The following ARHGAP10 variants were observed in gnomAD, a reference collection of about 807,000 sequenced individuals.
The protein encoded by ARHGAP10 is rho GTPase-activating protein 10.
Under a neutral mutation model 108.6 loss-of-function variants are expected in ARHGAP10, and 87 were observed. That is an observed-to-expected ratio of 0.80 (90% CI 0.67 to 0.96). ARHGAP10 has a LOEUF of 0.96. ARHGAP10 is among the 40% of genes least tolerant of loss of function. The pLI, the probability that ARHGAP10 is intolerant of heterozygous loss-of-function variation, is 0.00. For missense variants in ARHGAP10, 939 were observed against 954.5 expected, an observed-to-expected ratio of 0.98 and a Z score of 0.21; for synonymous variants, 347 against 341.1, an observed-to-expected ratio of 1.02 and a Z score of -0.19.
At position 148,072,540 on chromosome 4, in the gene ARHGAP10, TGGAGAAGCTGCTGTTGGTGCAAG is replaced by T. The variant is rs1730228046; in HGVS notation, c.*465_*487del. On this transcript the variant is annotated 3_prime_UTR_variant, in exon 23 of 23. Coordinates refer to ENST00000336498, the MANE Select transcript of ARHGAP10 (RefSeq NM_024605.4). ...TGTGCTTGGCTGTGGCAGCCTAGCT[TGGAGAAGCTGCTGTTGGTGCAAG>T]GGAGATGGTCTCAAGTCAGAGGGAA... The T allele has an allele frequency of 6.5e-6, 1 of 154,306 alleles. No homozygotes were observed. Among genetic ancestry groups the T allele is most frequent in the African/African-American group, 2.4e-5 (1 of 41,522 alleles). 9.6% of individuals were successfully genotyped at this position (154,306 alleles called of 1,614,324 possible). A position where few individuals can be genotyped will look rare whatever the true frequency, so the allele number is the denominator to read the frequency against.
chr4:148,030,186 T>G (rs1728083383), intron 19 of ARHGAP10, among the ~76,000 whole-genome samples: 2 of 152,194 alleles, frequency 1.3e-5, no homozygotes, highest in Admixed American at 6.5e-5. Flanking sequence ...AATAAGTTCA[T>G]GGCAGGTAAC....
chr4:147,921,647 T>G (rs1479548253), intron 13 of ARHGAP10, among the ~76,000 whole-genome samples: 1 of 152,186 alleles, frequency 6.6e-6, no homozygotes, highest in African/African-American at 2.4e-5. Flanking sequence ...TAGTCATGTT[T>G]CATTGTGTCA....
chr4:148,072,042 G>C lies in ARHGAP10; in HGVS notation c.2322G>C (p.Lys774Asn), dbSNP rs1336332643. Residue 774 changes from lysine to asparagine, a missense_variant, in exon 23 of 23, where the codon AAG becomes AAC. Transcript: ENST00000336498. ...GGCTAGAAGGGACTCTGAACGGCAA[G>C]AGGGGGCTGATTCCACAGAACTACG... ...PGWLEGTLNG[K>N]RGLIPQNYVK... 2.5e-6 allele frequency: 4 copies of C among 1,613,720 alleles called. No individual in the cohort carries two copies. The highest frequency in any genetic ancestry group is 3.4e-6 in the Non-Finnish European group (4 of 1,179,850).
intron 19 of ARHGAP10, among the ~76,000 whole-genome samples, chr4:148,036,166 G>C (rs1728369993): frequency 6.6e-6 from 1 of 151,160 alleles, no homozygotes; most frequent in Non-Finnish European, 1.5e-5. Flanking sequence ...CCGTGACCTA[G>C]GTTTTATAGA....
At chr4:148,063,015 A>G (rs906928717) in intron 20 of ARHGAP10, 133 bp from the exon 21 acceptor site, 31 of 1,117,020 alleles carry the variant, frequency 2.8e-5, no homozygotes, top group Non-Finnish European at 3.2e-5. Context: ...CAGGATGCAG[A>G]GAGGACTCTG....
At chr4:147,988,458 C>T (rs574266511) in intron 18 of ARHGAP10, among the ~76,000 whole-genome samples, 2 of 152,314 alleles carry the variant, frequency 1.3e-5, no homozygotes, top group African/African-American at 4.8e-5. Context: ...TAGCATTTTA[C>T]AGTTCCCTCC....
At chr4:147,896,991 G>A (rs1350151872) in intron 10 of ARHGAP10, among the ~76,000 whole-genome samples, 2 of 151,866 alleles carry the variant, frequency 1.3e-5, no homozygotes, top group Non-Finnish European at 2.9e-5. Context: ...AATATCGAAA[G>A]GATTTTTTTG....
At chr4:148,070,189 C>T (rs558102735) in intron 22 of ARHGAP10, among the ~76,000 whole-genome samples, 97 of 152,272 alleles carry the variant, frequency 6.4e-4, no homozygotes, top group African/African-American at 1.3e-3. Context: ...CCTGCACACA[C>T]GCACACAGAA....
chr4:148,018,618 A>T (rs896109556), intron 18 of ARHGAP10, among the ~76,000 whole-genome samples: 2 of 152,082 alleles, frequency 1.3e-5, no homozygotes, highest in Admixed American at 1.3e-4. Flanking sequence ...TGGAAGACAA[A>T]GTAAATGCAC....
At chr4:147,949,097 G>T (rs770573575) in intron 15 of ARHGAP10, among the ~76,000 whole-genome samples, 2 of 152,046 alleles carry the variant, frequency 1.3e-5, no homozygotes, top group African/African-American at 4.8e-5. Context: ...AAATTTATCC[G>T]TGGGTGATAG....
chr4:148,027,783 T>C (rs1727941957), intron 19 of ARHGAP10, among the ~76,000 whole-genome samples: 1 of 152,172 alleles, frequency 6.6e-6, no homozygotes, highest in African/African-American at 2.4e-5. Flanking sequence ...AGAATTTGGT[T>C]TGATTTTGAG....
chr4:147,826,463 T>C (rs1300460092), intron 3 of ARHGAP10, among the ~76,000 whole-genome samples: 4 of 152,174 alleles, frequency 2.6e-5, no homozygotes, highest in African/African-American at 7.2e-5. Context: ...CACAACTCAT[T>C]GTGGGAACAG....
chr4:147,742,379 T>C (rs1728715135), intron 1 of ARHGAP10, among the ~76,000 whole-genome samples: 1 of 151,878 alleles, frequency 6.6e-6, no homozygotes, highest in African/African-American at 2.4e-5. Flanking sequence ...GTGCCTATTA[T>C]TTTTATTATT....
At chr4:147,798,083 G>A (rs1210750780) in intron 1 of ARHGAP10, among the ~76,000 whole-genome samples, 1 of 151,766 alleles carries the variant, frequency 6.6e-6, no homozygotes, top group African/African-American at 2.4e-5. Flanking sequence ...GTTCCTCCCT[G>A]TACTCTCCTG....
intron 6 of ARHGAP10, chr4:147,865,858 T>C (rs1734534801): frequency 6.6e-6 from 1 of 152,238 alleles, no homozygotes; most frequent in Admixed American, 6.5e-5. Flanking sequence ...ATAATAATAA[T>C]GGCCTGCTTT....
At chr4:147,977,093 C>T (rs552693134) in intron 18 of ARHGAP10, among the ~76,000 whole-genome samples, 4 of 152,328 alleles carry the variant, frequency 2.6e-5, no homozygotes, top group South Asian at 2.1e-4. Flanking sequence ...TCTGGAGATG[C>T]GGAGCTGCAA....
At chr4:147,943,968 T>C (rs545683932) in intron 14 of ARHGAP10, among the ~76,000 whole-genome samples, 16 of 152,318 alleles carry the variant, frequency 1.1e-4, no homozygotes, top group African/African-American at 3.8e-4. Flanking sequence ...ATAGACAGAA[T>C]ATGATTCTCA....
chr4:147,986,115 A>G (rs919823261), intron 18 of ARHGAP10, among the ~76,000 whole-genome samples: 1 of 152,168 alleles, frequency 6.6e-6, no homozygotes, highest in Non-Finnish European at 1.5e-5. Flanking sequence ...CCATCTTGGG[A>G]AAAAAGGTCA....
intron 18 of ARHGAP10, among the ~76,000 whole-genome samples, chr4:148,006,349 G>C (rs569452833): frequency 6.6e-6 from 1 of 152,208 alleles, no homozygotes; most frequent in Non-Finnish European, 1.5e-5. Context: ...TGGGGAAAAC[G>C]GAGGCACCCA....
Sources: allele counts gnomAD v4.1 joint callset (sites outside exome capture counted in the v4.1 genomes callset), GRCh38; gene constraint gnomAD v4.1.1; transcripts MANE v1.5; gene names NCBI Gene and HGNC (gene_info 2026-07-23, HGNC 2026-07-21).